Variants in CSMD1 observed in about 807,000 individuals in gnomAD.
The protein encoded by CSMD1 is CUB and sushi domain-containing protein 1.
A neutral mutation model predicts 417.5 loss-of-function variants in CSMD1; 213 were observed. That is an observed-to-expected ratio of 0.51 (90% CI 0.46 to 0.57). CSMD1 has a LOEUF of 0.57. Among genes scored for constraint, CSMD1 ranks in the 20% least tolerant of loss-of-function variants. The probability of loss-of-function intolerance (pLI) is 0.00; values close to 1 mark genes in which losing one functional copy is unlikely to be tolerated. For synonymous variants in CSMD1, 2,862 were observed against 1,736.8 expected (o/e 1.65, Z -16.11); for missense variants, 6,923 against 4,529.7 (o/e 1.53, Z -15.17).
chr8:3,710,716 A>G (rs1256878981), intron 6 of CSMD1, among the ~76,000 whole-genome samples: 2 of 152,028 alleles, frequency 1.3e-5, no homozygotes, highest in African/African-American at 4.8e-5. Context: ...AGTATTTTTC[A>G]CTTCAGGAGG....
chr8:3,096,825 T>C, intron 47 of CSMD1, 24 bp downstream of exon 47: 2 of 1,470,014 alleles, frequency 1.4e-6, no homozygotes, highest in Non-Finnish European at 9.3e-7. Flanking sequence ...AGGTCACTGC[T>C]CTACAAAGAT....
intron 3 of CSMD1, among the ~76,000 whole-genome samples, chr8:4,326,198 T>C (rs564124446): frequency 2.6e-5 from 4 of 152,274 alleles, no homozygotes; most frequent in Admixed American, 6.5e-5. Flanking sequence ...GGGATGCCAA[T>C]GCTGCCGATT....
At chr8:4,061,671 G>A (rs1230284579) in intron 3 of CSMD1, among the ~76,000 whole-genome samples, 1 of 152,038 alleles carries the variant, frequency 6.6e-6, no homozygotes, top group Non-Finnish European at 1.5e-5. Flanking sequence ...GTTTCGTGAT[G>A]GTGTGAAATA....
intron 8 of CSMD1, among the ~76,000 whole-genome samples, chr8:3,592,830 T>C (rs1037942559): frequency 1.3e-5 from 2 of 152,094 alleles, no homozygotes; most frequent in African/African-American, 4.8e-5. Flanking sequence ...GATCCAGGTG[T>C]ACATCATGAA....
intron 12 of CSMD1, among the ~76,000 whole-genome samples, chr8:3,416,948 T>G (rs1813194194): frequency 1.3e-5 from 2 of 152,370 alleles, no homozygotes; most frequent in East Asian, 3.9e-4. Context: ...CCCATAGTCA[T>G]GTATATGAAC....
At chr8:4,284,887 C>T (rs978480323) in intron 3 of CSMD1, among the ~76,000 whole-genome samples, 1 of 152,152 alleles carries the variant, frequency 6.6e-6, no homozygotes, top group African/African-American at 2.4e-5. Context: ...AAACACTTTT[C>T]TGTCTCCTCC....
chr8:2,956,669 G>C (rs1319338458), intron 63 of CSMD1, among the ~76,000 whole-genome samples: 1 of 151,914 alleles, frequency 6.6e-6, no homozygotes, highest in African/African-American at 2.4e-5. Flanking sequence ...TGTTAGCCAG[G>C]ATGGTCTCGA....
At chr8:3,134,969 G>T (rs1011339495) in intron 41 of CSMD1, among the ~76,000 whole-genome samples, 3 of 152,154 alleles carry the variant, frequency 2.0e-5, no homozygotes, top group Admixed American at 2.0e-4. Flanking sequence ...TGATGCCCAG[G>T]CTGGAGTGCA....
intron 17 of CSMD1, among the ~76,000 whole-genome samples, chr8:3,392,570 C>T (rs1450158261): frequency 6.6e-6 from 1 of 152,048 alleles, no homozygotes; most frequent in African/African-American, 2.4e-5. Flanking sequence ...CTCCTGCTTG[C>T]CTGTGGGTTT....
At chr8:4,938,889 A>G (rs1793221707) in intron 1 of CSMD1, among the ~76,000 whole-genome samples, 1 of 152,172 alleles carries the variant, frequency 6.6e-6, no homozygotes, top group East Asian at 1.9e-4. Flanking sequence ...TTTCCTGATG[A>G]TTACTGACGT....
At chr8:4,224,954 T>C (rs1801258707) in intron 3 of CSMD1, among the ~76,000 whole-genome samples, 1 of 151,720 alleles carries the variant, frequency 6.6e-6, no homozygotes, top group Non-Finnish European at 1.5e-5. Context: ...CTAATAAAAT[T>C]AAAAAAAATT....
chr8:4,816,930 C>T (rs1585149224), intron 1 of CSMD1, among the ~76,000 whole-genome samples: 1 of 152,202 alleles, frequency 6.6e-6, no homozygotes, highest in East Asian at 1.9e-4. Context: ...CATCTACTGC[C>T]AGAAAGGGAA....
intron 1 of CSMD1, among the ~76,000 whole-genome samples, chr8:4,913,137 G>C (rs984716374): frequency 7.9e-5 from 12 of 152,164 alleles, no homozygotes; most frequent in African/African-American, 2.7e-4. Context: ...GATCAAAGCA[G>C]AGTCCACCAC....
chr8:4,826,910 G>A (rs1240592742), intron 1 of CSMD1, among the ~76,000 whole-genome samples: 1 of 152,098 alleles, frequency 6.6e-6, no homozygotes, highest in African/African-American at 2.4e-5. Context: ...CAAAATCTGA[G>A]CACTTATCTA....
At chr8:4,297,161 G>C (rs531778950) in intron 3 of CSMD1, among the ~76,000 whole-genome samples, 2 of 152,158 alleles carry the variant, frequency 1.3e-5, no homozygotes, top group Admixed American at 6.6e-5. Flanking sequence ...ACATAAAATA[G>C]TCATGAATAT....
intron 1 of CSMD1, among the ~76,000 whole-genome samples, chr8:4,799,122 G>C (rs957282248): frequency 5.3e-5 from 8 of 152,204 alleles, no homozygotes; most frequent in Admixed American, 2.0e-4. Context: ...CACGCCCCTG[G>C]GATCTTGATC....
intron 22 of CSMD1, among the ~76,000 whole-genome samples, chr8:3,343,690 A>G (rs1197785949): frequency 6.6e-6 from 1 of 152,140 alleles, no homozygotes. Flanking sequence ...TTTTATATTC[A>G]TTACTTTAAG....
chr8:4,352,411 C>G (rs1467713024), intron 3 of CSMD1, among the ~76,000 whole-genome samples: 1 of 151,982 alleles, frequency 6.6e-6, no homozygotes, highest in African/African-American at 2.4e-5. Context: ...ATGAGAACAC[C>G]AGTATAAATA....
intron 3 of CSMD1, among the ~76,000 whole-genome samples, chr8:4,248,658 C>T (rs1802857304): frequency 6.6e-6 from 1 of 152,124 alleles, no homozygotes; most frequent in Non-Finnish European, 1.5e-5. Flanking sequence ...TAAGGACCAC[C>T]CACCATCAGC....
Sources: allele counts gnomAD v4.1 joint callset (sites outside exome capture counted in the v4.1 genomes callset), GRCh38; gene constraint gnomAD v4.1.1; transcripts MANE v1.5; gene names NCBI Gene and HGNC (gene_info 2026-07-23, HGNC 2026-07-21).